The following SLAIN2 variants were observed in gnomAD, a reference collection of about 807,000 sequenced individuals.
SLAIN2 encodes the protein SLAIN family member 2.
A neutral mutation model predicts 56.6 loss-of-function variants in SLAIN2; 31 were observed. The observed-to-expected ratio is 0.55, with a 90% CI of 0.41 to 0.74. The LOEUF (loss-of-function observed/expected upper bound fraction) is 0.74, where lower values mean the gene tolerates loss of function less well. SLAIN2 is among the 30% of genes least tolerant of loss of function. SLAIN2 has a pLI of 0.00. For synonymous variants in SLAIN2, 317 were observed against 284.9 expected, an observed-to-expected ratio of 1.11 and a Z score of -1.13; for missense variants, 777 against 754.2, an observed-to-expected ratio of 1.03 and a Z score of -0.35.
chr4:48,384,980 C>T (rs936099337), intron 6 of SLAIN2, among the ~76,000 whole-genome samples: 2 of 151,954 alleles, frequency 1.3e-5, no homozygotes, highest in African/African-American at 4.8e-5. Flanking sequence ...TTAAATACTC[C>T]AGGAGATATA....
At chr4:48,367,109 G>A (rs1422768728) in intron 1 of SLAIN2, among the ~76,000 whole-genome samples, 1 of 152,202 alleles carries the variant, frequency 6.6e-6, no homozygotes, top group Non-Finnish European at 1.5e-5. Flanking sequence ...TAAATTGAGA[G>A]ACTTAAACAA....
intron 6 of SLAIN2, among the ~76,000 whole-genome samples, chr4:48,396,531 C>T (rs867771795): frequency 7.2e-5 from 11 of 152,190 alleles, no homozygotes; most frequent in South Asian, 2.1e-4. Flanking sequence ...TCTGATTTCC[C>T]CTCATATCGA....
chr4:48,395,664 A>T (rs997429073), intron 6 of SLAIN2, among the ~76,000 whole-genome samples: 1 of 152,154 alleles, frequency 6.6e-6, no homozygotes, highest in Non-Finnish European at 1.5e-5. Context: ...GAAGTTGACC[A>T]TGGGCCTCCA....
At chr4:48,360,038 C>T (rs1715276049) in intron 1 of SLAIN2, among the ~76,000 whole-genome samples, 1 of 151,886 alleles carries the variant, frequency 6.6e-6, no homozygotes, top group Admixed American at 6.6e-5. Context: ...CCTATAATCC[C>T]AGCTACTCAG....
chr4:48,383,638 C>T lies in SLAIN2; in HGVS notation c.1223-9C>T. The stretch of plus-strand genomic sequence containing the variant: ...ATATGATTTTTTTAAAATTAAAATT[C>T]TGTTGCAGAAAAACTAAGACGCAGT... On this transcript the variant is annotated splice_polypyrimidine_tract_variant and intron_variant, in intron 5 of 7. Transcript: ENST00000264313. The T allele has an allele frequency of 1.3e-6, 2 of 1,504,004 alleles. No individual in the cohort carries two copies. The highest frequency in any genetic ancestry group is 1.8e-6 in the Non-Finnish European group (2 of 1,118,000). 93.2% of individuals were successfully genotyped at this position (1,504,004 alleles called of 1,614,324 possible).
intron 1 of SLAIN2, among the ~76,000 whole-genome samples, chr4:48,345,873 G>T (rs1023770181): frequency 3.3e-5 from 5 of 152,150 alleles, no homozygotes; most frequent in African/African-American, 1.2e-4. Flanking sequence ...AAGTGGGCAT[G>T]TCAGCTAGAC....
intron 1 of SLAIN2, among the ~76,000 whole-genome samples, chr4:48,356,213 C>T (rs1715149550): frequency 6.6e-6 from 1 of 152,046 alleles, no homozygotes; most frequent in East Asian, 1.9e-4. Flanking sequence ...CCTGTTTTAG[C>T]CACTAAAAAG....
Position 48,423,768 on chromosome 4 carries a change from CT to C in SLAIN2, c.*1694del, listed in dbSNP as rs1382146147. ...TTTGGTGTATAATGCAAGGAAGAAA[CT>C]TTATCCTTGAATTTGAGGGTGATGG... On this transcript the variant is annotated 3_prime_UTR_variant, in exon 8 of 8. Transcript: ENST00000264313. The C allele has an allele frequency of 6.6e-6, 1 of 152,102 alleles. No homozygotes were observed. The highest frequency in any genetic ancestry group is 1.9e-4 in the East Asian group (1 of 5,196). The allele number at this position is 152,102 out of a possible 1,614,324, so 9.4% of individuals were successfully genotyped here. A position where few individuals can be genotyped will look rare whatever the true frequency, so the allele number is the denominator to read the frequency against.
At chr4:48,411,581 C>T (rs6447635) in intron 6 of SLAIN2, among the ~76,000 whole-genome samples, 80,221 of 151,366 alleles carry the variant, frequency 0.53, 22,312 homozygotes, top group South Asian at 0.69. Context: ...CCCTGTTCTG[C>T]TCTATTTGGA....
At position 48,394,553 on chromosome 4, in the gene SLAIN2, T is replaced by C. The variant is rs768055075; in HGVS notation, c.1360+10769T>C. 5.9e-6 allele frequency: 9 copies of C among 1,531,112 alleles called. No individual in the cohort carries two copies. The Admixed American group carries it at 1.6e-4, about 27-fold the overall frequency. The allele number at this position is 1,531,112 out of a possible 1,614,324, so 94.8% of individuals were successfully genotyped here. A position where few individuals can be genotyped will look rare whatever the true frequency, so the allele number is the denominator to read the frequency against. On this transcript the variant is annotated intron_variant, in intron 6 of 7. Coordinates refer to ENST00000264313, the MANE Select transcript of SLAIN2 (RefSeq NM_020846.2). ...TTGTCTTGTACTTCCAGGCAAATAT[T>C]ACAGTTCCTTATTTTTCAACAGCTT... is the stretch of plus-strand genomic sequence containing the variant.
At chr4:48,358,580 T>C (rs1288712529) in intron 1 of SLAIN2, among the ~76,000 whole-genome samples, 2 of 152,114 alleles carry the variant, frequency 1.3e-5, no homozygotes, top group Non-Finnish European at 2.9e-5. Flanking sequence ...TCTCCCAGAG[T>C]GCTGGGATTA....
At chr4:48,351,697 C>T (rs139837637) in intron 1 of SLAIN2, among the ~76,000 whole-genome samples, 1 of 152,246 alleles carries the variant, frequency 6.6e-6, no homozygotes, top group African/African-American at 2.4e-5. Context: ...ACATTTCTGT[C>T]TAACGCCATG....
chr4:48,375,241 A>T (rs971372701), intron 2 of SLAIN2, among the ~76,000 whole-genome samples: 1 of 152,230 alleles, frequency 6.6e-6, no homozygotes, highest in African/African-American at 2.4e-5. Context: ...ATTTCTGCAC[A>T]GGTTGATAGT....
In SLAIN2 at chr4:48,425,330, T is replaced by G. The variant is rs1214885438; in HGVS notation, c.*3253T>G. The G allele has an allele frequency of 6.6e-6, 1 of 152,170 alleles. No homozygotes were observed. The highest frequency in any genetic ancestry group is 2.4e-5 in the African/African-American group (1 of 41,452). The allele number at this position is 152,170 out of a possible 1,614,324, so 9.4% of individuals were successfully genotyped here. A position where few individuals can be genotyped will look rare whatever the true frequency, so the allele number is the denominator to read the frequency against. On this transcript the variant is annotated 3_prime_UTR_variant, in exon 8 of 8. Transcript: ENST00000264313. ...TATAAAAAGCTAGCATTTGCCTAGA[T>G]CATAACTATGTATGGTATCTAGTTA...
At chr4:48,414,550 ATTT>A (rs36222817) in intron 6 of SLAIN2, among the ~76,000 whole-genome samples, 2,647 of 136,910 alleles carry the variant, frequency 0.019, 61 homozygotes, top group African/African-American at 0.069. Context: ...TTGGTGTGGT[ATTT>A]TTTTTTTTTT....
intron 1 of SLAIN2, among the ~76,000 whole-genome samples, chr4:48,362,732 C>CT (rs397716685): frequency 0.62 from 72,347 of 116,234 alleles, 22,629 homozygotes; most frequent in East Asian, 0.83. Context: ...TTTTAAATTT[C>CT]TTTTTTTTTT....
At chr4:48,410,110 A>T (rs1286519842) in intron 6 of SLAIN2, among the ~76,000 whole-genome samples, 1 of 152,070 alleles carries the variant, frequency 6.6e-6, no homozygotes, top group Admixed American at 6.5e-5. Flanking sequence ...CCTCAGTAAC[A>T]CTTGTTGTCT....
At chr4:48,358,824 G>A (rs1465189195) in intron 1 of SLAIN2, among the ~76,000 whole-genome samples, 2 of 151,738 alleles carry the variant, frequency 1.3e-5, no homozygotes, top group Admixed American at 6.6e-5. Flanking sequence ...GGGTTCAAGC[G>A]ATTCTTCTGC....
intron 6 of SLAIN2, among the ~76,000 whole-genome samples, chr4:48,389,617 T>A (rs1716184611): frequency 6.6e-6 from 1 of 152,180 alleles, no homozygotes; most frequent in Non-Finnish European, 1.5e-5. Context: ...TTAAAAGATA[T>A]CTCAGCCAGC....
Sources: gnomAD v4.1 joint callset for allele counts (sites outside exome capture counted in the v4.1 genomes callset) on GRCh38, gnomAD v4.1.1 for gene constraint, MANE v1.5 for transcripts, NCBI Gene and HGNC (gene_info 2026-07-23, HGNC 2026-07-21) for gene names.